PSD3: variants seen among roughly 807,000 people sequenced by gnomAD.
The protein encoded by PSD3 is pleckstrin and Sec7 domain containing 3, also known as PH and SEC7 domain-containing protein 3.
PSD3 carries 49 observed loss-of-function variants against 105.5 expected under a neutral mutation model. The observed-to-expected ratio is 0.46, with a 90% confidence interval of 0.37 to 0.59. PSD3 has a LOEUF of 0.59. Ranked by LOEUF, PSD3 falls within the 20% of genes least tolerant of loss-of-function variation. The pLI is 0.00. For synonymous variants in PSD3, 557 were observed against 457.8 expected (o/e 1.22, Z -2.77); for missense variants, 1,561 against 1,263.8 (o/e 1.24, Z -3.57).
intron 10 of PSD3, among the ~76,000 whole-genome samples, chr8:18,638,908 C>G (rs1256795054): frequency 1.3e-5 from 2 of 152,134 alleles, no homozygotes; most frequent in African/African-American, 4.8e-5. Context: ...TCCCAAGTAG[C>G]TAAGGTCAAC....
chr8:18,636,820 T>C (rs1049434427), intron 10 of PSD3, among the ~76,000 whole-genome samples: 1 of 152,190 alleles, frequency 6.6e-6, no homozygotes, highest in Non-Finnish European at 1.5e-5. Flanking sequence ...CTATACCATA[T>C]AGTACACATG....
At chr8:18,554,354 T>G (rs1800943439) in intron 15 of PSD3, among the ~76,000 whole-genome samples, 1 of 152,248 alleles carries the variant, frequency 6.6e-6, no homozygotes, top group African/African-American at 2.4e-5. Flanking sequence ...TGGGGAAAGA[T>G]GAGCTGCCTA....
intron 9 of PSD3, chr8:18,730,281 A>G (rs889620741): frequency 1.5e-4 from 23 of 152,234 alleles, no homozygotes; most frequent in African/African-American, 5.5e-4. Flanking sequence ...ACAATCATCA[A>G]CACTGCTACC....
chr8:18,969,054 G>T (rs1824469274), intron 1 of PSD3, among the ~76,000 whole-genome samples: 1 of 152,094 alleles, frequency 6.6e-6, no homozygotes, highest in Non-Finnish European at 1.5e-5. Context: ...GCCTTCCAAA[G>T]TGTCTACTAT....
intron 1 of PSD3, among the ~76,000 whole-genome samples, chr8:18,960,847 A>G (rs1823867607): frequency 6.6e-6 from 1 of 152,138 alleles, no homozygotes; most frequent in African/African-American, 2.4e-5. Flanking sequence ...GGACTTTAAG[A>G]GGCCAAGGGG....
At chr8:18,735,701 C>T (rs1585775184) in intron 9 of PSD3, among the ~76,000 whole-genome samples, 1 of 152,034 alleles carries the variant, frequency 6.6e-6, no homozygotes, top group East Asian at 1.9e-4. Context: ...AAATAATGAT[C>T]ATAAGCAGTT....
At chr8:19,061,927 A>G (rs1321559662) in intron 1 of PSD3, among the ~76,000 whole-genome samples, 1 of 152,062 alleles carries the variant, frequency 6.6e-6, no homozygotes, top group African/African-American at 2.4e-5. Flanking sequence ...CCTATATTCT[A>G]CATAAACTTC....
intron 11 of PSD3, among the ~76,000 whole-genome samples, chr8:18,626,223 C>T (rs1459592908): frequency 6.6e-6 from 1 of 151,744 alleles, no homozygotes; most frequent in Non-Finnish European, 1.5e-5. Flanking sequence ...TGGATGCAGT[C>T]TGACAAACTG....
chr8:18,990,509 C>A (rs1387287244), intron 1 of PSD3, among the ~76,000 whole-genome samples: 1 of 152,174 alleles, frequency 6.6e-6, no homozygotes, highest in African/African-American at 2.4e-5. Flanking sequence ...ATCTGCTGTT[C>A]CTGCCTGGCC....
intron 11 of PSD3, among the ~76,000 whole-genome samples, chr8:18,609,243 AG>A (rs1313089550): frequency 1.3e-5 from 2 of 152,232 alleles, no homozygotes; most frequent in African/African-American, 4.8e-5. Flanking sequence ...TTTATTTTTC[AG>A]GGCCTCACCA....
At chr8:18,594,124 AATATATATTAT>A (rs1360996529) in intron 12 of PSD3, among the ~76,000 whole-genome samples, 1 of 32,444 alleles carries the variant, frequency 3.1e-5, no homozygotes, top group Admixed American at 6.4e-4. Context: ...AAAGTATAAT[AATATATATTAT>A]ATATATATTA....
In PSD3 at chr8:18,966,443, C is replaced by A. The variant is rs961066406; in HGVS notation, c.22-30301G>T. Among the ~76,000 whole-genome samples the A allele has an allele frequency of 2.0e-5, 3 of 151,878 alleles. No homozygotes were observed. In the South Asian group the frequency reaches 6.2e-4, roughly 32 times the overall value. The stretch of plus-strand genomic sequence containing the variant: ...AAAATTAGCTGGGTGTGGTGGTGCA[C>A]GCCTGTAATCCCAACTACTCGCAAG... On this transcript the variant is annotated intron_variant, in intron 1 of 15. Transcript: ENST00000327040.
chr8:18,669,346 G>C (rs934364094), intron 9 of PSD3, among the ~76,000 whole-genome samples: 7 of 152,090 alleles, frequency 4.6e-5, no homozygotes, highest in African/African-American at 1.7e-4. Context: ...TTTTTTCCTA[G>C]ACTTACATGC....
intron 9 of PSD3, among the ~76,000 whole-genome samples, chr8:18,706,844 C>G (rs1801934280): frequency 6.6e-6 from 1 of 152,174 alleles, no homozygotes; most frequent in Non-Finnish European, 1.5e-5. Flanking sequence ...TATATGGTTT[C>G]TTAGTTACCT....
At chr8:19,041,619 G>A (rs1828126941) in intron 1 of PSD3, among the ~76,000 whole-genome samples, 1 of 152,190 alleles carries the variant, frequency 6.6e-6, no homozygotes, top group Non-Finnish European at 1.5e-5. Context: ...ACTTACCTGG[G>A]TTATCCACAA....
chr8:18,956,790 A>G (rs61363834), intron 1 of PSD3, among the ~76,000 whole-genome samples: 59,464 of 151,842 alleles, frequency 0.39, 11,818 homozygotes, highest in Non-Finnish European at 0.41. Context: ...AGGGACAATT[A>G]ACAAAGGATC....
At chr8:18,838,720 T>C (rs1814354617) in intron 4 of PSD3, among the ~76,000 whole-genome samples, 1 of 151,414 alleles carries the variant, frequency 6.6e-6, no homozygotes, top group Non-Finnish European at 1.5e-5. Flanking sequence ...GAGAATGGCG[T>C]GAACCCGGGA....
chr8:18,671,751 C>A (rs1179589498), intron 9 of PSD3, among the ~76,000 whole-genome samples: 1 of 152,064 alleles, frequency 6.6e-6, no homozygotes, highest in African/African-American at 2.4e-5. Flanking sequence ...CCTGCCTCAG[C>A]CTCCCGAATA....
rs150640203 is a variant in PSD3, at chr8:18,587,366, T to C, written c.2482-12081A>G. 1.4e-4 allele frequency among the ~76,000 whole-genome samples: 21 copies of C among 152,296 alleles called. No individual in the cohort carries two copies. In the East Asian group the frequency reaches 3.1e-3, roughly 22 times the overall value. On this transcript the variant is annotated intron_variant, in intron 12 of 15. Transcript: ENST00000327040. ...GTTCTTTCGTAAATGGGACACTTTA[T>C]GACATTGTGATACCATCTCTTTAAT...
Sources: allele counts gnomAD v4.1 joint callset (sites outside exome capture counted in the v4.1 genomes callset), GRCh38; gene constraint gnomAD v4.1.1; transcripts MANE v1.5; gene names NCBI Gene and HGNC (gene_info 2026-07-23, HGNC 2026-07-21).